The following SPADH variants were observed in gnomAD, a reference collection of about 807,000 sequenced individuals.
SPADH encodes spermadhesin family member, also known as CUB domain-containing protein.
At chr10:122,674,056 C>T in the SPADH span, among the ~76,000 whole-genome samples, 30 of 152,354 alleles carry the variant, frequency 2.0e-4, no homozygotes, top group African/African-American at 7.2e-4. Flanking sequence ...ATTTAATATG[C>T]TTGACATTTG....
the SPADH span, among the ~76,000 whole-genome samples, chr10:122,673,983 A>G: frequency 6.6e-6 from 1 of 152,208 alleles, no homozygotes; most frequent in Non-Finnish European, 1.5e-5. Context: ...TTCTGTCTAA[A>G]TTAGGGCTAC....
At chr10:122,678,368 C>T in the SPADH span, among the ~76,000 whole-genome samples, 4 of 152,208 alleles carry the variant, frequency 2.6e-5, no homozygotes, top group East Asian at 7.7e-4. Context: ...TGCTTCACCT[C>T]TTCCTGTCCC....
the SPADH span, chr10:122,679,039 AAC>A: frequency 1.0e-6 from 1 of 985,070 alleles, no homozygotes; most frequent in South Asian, 4.7e-5. Flanking sequence ...ACGCTTGGTC[AAC>A]ACATTAATAG....
chr10:122,678,794 C>G, the SPADH span: 1 of 561,348 alleles, frequency 1.8e-6, no homozygotes, highest in Non-Finnish European at 2.3e-6. Context: ...GAGGTGGCAG[C>G]CTGGCTGGAG....
chr10:122,679,068 G>A, the SPADH span: 1 of 960,626 alleles, frequency 1.0e-6, no homozygotes, highest in African/African-American at 1.8e-5. Flanking sequence ...CGGGGGAAGA[G>A]GCACCTGCTG....
At chr10:122,676,590 C>T in the SPADH span, among the ~76,000 whole-genome samples, 1 of 152,100 alleles carries the variant, frequency 6.6e-6, no homozygotes, top group Non-Finnish European at 1.5e-5. Context: ...ACCAAAAAGC[C>T]CACCTTGTTT....
chr10:122,676,376 C>T, the SPADH span, among the ~76,000 whole-genome samples: 1 of 152,178 alleles, frequency 6.6e-6, no homozygotes, highest in Non-Finnish European at 1.5e-5. Context: ...AGGAGCACTG[C>T]CTATTTGTTA....
chr10:122,676,748 T>C, the SPADH span: 1 of 985,232 alleles, frequency 1.0e-6, no homozygotes, highest in Admixed American at 6.1e-5. Context: ...CCGTTTCTCC[T>C]CTTGTAGCAC....
the SPADH span, among the ~76,000 whole-genome samples, chr10:122,677,500 G>A: frequency 6.6e-6 from 1 of 152,126 alleles, no homozygotes; most frequent in African/African-American, 2.4e-5. Flanking sequence ...TTGGATTGCA[G>A]GTATTTTTCT....
the SPADH span, chr10:122,675,811 G>C: frequency 5.1e-6 from 1 of 197,356 alleles, no homozygotes; most frequent in African/African-American, 2.4e-5. Context: ...ATTGGATTCA[G>C]CCTTCATAAT....
At chr10:122,675,688 T>A in the SPADH span, 14 of 974,042 alleles carry the variant, frequency 1.4e-5, no homozygotes, top group Non-Finnish European at 1.7e-5. Flanking sequence ...CAGACAAGAC[T>A]GTTACCCTCT....
the SPADH span, chr10:122,679,170 C>T: frequency 5.1e-5 from 13 of 253,572 alleles, no homozygotes; most frequent in Non-Finnish European, 7.5e-5. Flanking sequence ...CATAGTTCTC[C>T]TGGATCAGCA....
chr10:122,675,611 T>G, the SPADH span: 4 of 972,658 alleles, frequency 4.1e-6, no homozygotes, highest in East Asian at 4.6e-4. Flanking sequence ...CAGATTTTCA[T>G]GGTTTTTTTT....
chr10:122,677,750 T>C, the SPADH span, among the ~76,000 whole-genome samples: 1 of 152,192 alleles, frequency 6.6e-6, no homozygotes, highest in Non-Finnish European at 1.5e-5. Context: ...CACTACGTTA[T>C]GCAGGAGTTC....
the SPADH span, among the ~76,000 whole-genome samples, chr10:122,673,168 C>T: frequency 2.0e-5 from 3 of 152,160 alleles, no homozygotes; most frequent in Non-Finnish European, 2.9e-5. Context: ...CCTGAGTTCC[C>T]GGTCTTGATG....
chr10:122,673,624 C>T, the SPADH span, among the ~76,000 whole-genome samples: 2 of 152,160 alleles, frequency 1.3e-5, no homozygotes, highest in Non-Finnish European at 1.5e-5. Context: ...GAGATGTCTT[C>T]GTCTCTATGT....
At chr10:122,673,200 G>T in the SPADH span, among the ~76,000 whole-genome samples, 1 of 152,188 alleles carries the variant, frequency 6.6e-6, no homozygotes, top group Non-Finnish European at 1.5e-5. Context: ...CCTCCTTCCT[G>T]CCTTAAGCAA....
At chr10:122,676,614 A>G in the SPADH span, 1 of 506,820 alleles carries the variant, frequency 2.0e-6, no homozygotes, top group Non-Finnish European at 2.5e-6. Flanking sequence ...GAGCCATCAG[A>G]CTGGGCCATT....
chr10:122,678,216 G>T, the SPADH span, among the ~76,000 whole-genome samples: 2 of 152,152 alleles, frequency 1.3e-5, no homozygotes, highest in African/African-American at 2.4e-5. Context: ...GACTGGAAAA[G>T]CACAGGGAGG....
Sources: gnomAD v4.1 joint callset for allele counts (sites outside exome capture counted in the v4.1 genomes callset) on GRCh38, gnomAD v4.1.1 for gene constraint, MANE v1.5 for transcripts, NCBI Gene and HGNC (gene_info 2026-07-23, HGNC 2026-07-21) for gene names.